The following HERC1 variants were observed in gnomAD, a reference collection of about 807,000 sequenced individuals.
HERC1 encodes the protein probable E3 ubiquitin-protein ligase HERC1.
A neutral mutation model predicts 554.3 loss-of-function variants in HERC1; 160 were observed. That is an observed-to-expected ratio of 0.29 (90% CI 0.25 to 0.33). The LOEUF (loss-of-function observed/expected upper bound fraction) is 0.33. HERC1 is among the 10% of genes least tolerant of loss of function. The pLI, the probability that HERC1 is intolerant of heterozygous loss-of-function variation, is 1.00. For missense variants in HERC1, 4,919 were observed against 5,918.5 expected (o/e 0.83, Z 5.54); for synonymous variants, 2,175 against 2,131.7 (o/e 1.02, Z -0.56).
chr15:63,728,525 G>T (rs2074130718), intron 16 of HERC1, among the ~76,000 whole-genome samples: 1 of 152,062 alleles, frequency 6.6e-6, no homozygotes, highest in African/African-American at 2.4e-5. Context: ...TTTTCAGTGG[G>T]GGAACTTCAG....
intron 1 of HERC1, among the ~76,000 whole-genome samples, chr15:63,794,315 T>G (rs1421746886): frequency 6.6e-6 from 1 of 152,206 alleles, no homozygotes; most frequent in Non-Finnish European, 1.5e-5. Flanking sequence ...AACCCTCTCC[T>G]GGGGTCTGGA....
At chr15:63,660,131 C>T (rs1566982771) in intron 46 of HERC1, among the ~76,000 whole-genome samples, 195 bp from the exon 47 acceptor site, 2 of 152,046 alleles carry the variant, frequency 1.3e-5, no homozygotes, top group South Asian at 4.2e-4. Flanking sequence ...CCAGCCTGGC[C>T]AACATGATGA....
chr15:63,685,530 G>A (rs1456295342), intron 34 of HERC1, among the ~76,000 whole-genome samples: 1 of 152,218 alleles, frequency 6.6e-6, no homozygotes, highest in Non-Finnish European at 1.5e-5. Flanking sequence ...CATTTTAAAA[G>A]TTAAGACAAA....
intron 39 of HERC1, among the ~76,000 whole-genome samples, chr15:63,671,854 C>G (rs1402195265): frequency 6.6e-6 from 1 of 152,222 alleles, no homozygotes; most frequent in Admixed American, 6.5e-5. Flanking sequence ...TCCCTTATTT[C>G]ACTTAAGTCA....
Position 63,637,588 on chromosome 15 carries a change from G to A in HERC1, c.12149C>T (p.Ala4050Val). 6.4e-7 allele frequency: 1 copy of A among 1,555,366 alleles called. No homozygotes were observed. The highest frequency in any genetic ancestry group is 8.7e-7 in the Non-Finnish European group (1 of 1,148,324). ...TCTGCCATAACTTCCTTCCCCACAA[G>A]CCAACACTGTGCCATTGGCCTGGAT... ...FVIQANGTVL[A>V]CGEGSYGRLG... The change falls in exon 64 of 78, where the codon GCT (alanine) becomes GTT (valine). Residue 4050 changes from alanine (A) to valine (V), a missense_variant. This residue lies in a region of HERC1 where 122 missense variants were observed against 195.2 expected (regional missense o/e 0.63). Coordinates refer to ENST00000443617, the MANE Select transcript of HERC1 (RefSeq NM_003922.4).
intron 33 of HERC1, among the ~76,000 whole-genome samples, chr15:63,686,799 T>G (rs2071788115): frequency 6.6e-6 from 1 of 152,184 alleles, no homozygotes; most frequent in South Asian, 2.1e-4. Flanking sequence ...ATAGGTATAG[T>G]AGAAACATAA....
intron 25 of HERC1, among the ~76,000 whole-genome samples, chr15:63,702,947 T>G (rs1429482805): frequency 6.6e-6 from 1 of 151,822 alleles, no homozygotes; most frequent in East Asian, 1.9e-4. Context: ...CTACTAAAAA[T>G]ACAAAAATTA....
In HERC1 at chr15:63,694,202, G is replaced by A. The variant is rs1243212021; in HGVS notation, c.5481-45C>T. ...AAAATAAGTGGCAAACACACAGAAG[G>A]GCAAGCATAGTGCTTAAATACATAA... On this transcript the variant is annotated intron_variant, in intron 29 of 77. Transcript: ENST00000443617. The surrounding 1 kb of genome is among the most constrained non-coding windows in gnomAD (Gnocchi z 4.3). 13 of 1,565,080 alleles carry A rather than the reference G, an allele frequency of 8.3e-6. No homozygotes were observed. The highest frequency in any genetic ancestry group is 1.0e-5 in the Non-Finnish European group (12 of 1,154,776).
At chr15:63,641,272 T>A (rs945470949) in intron 60 of HERC1, among the ~76,000 whole-genome samples, 198 bp downstream of exon 60, 1 of 152,232 alleles carries the variant, frequency 6.6e-6, no homozygotes, top group Non-Finnish European at 1.5e-5. Flanking sequence ...TATTTTACTC[T>A]GGTGAAAATA....
At chr15:63,661,580 T>A (rs536660767) in intron 45 of HERC1, among the ~76,000 whole-genome samples, 173 bp downstream of exon 45, 1 of 152,344 alleles carries the variant, frequency 6.6e-6, no homozygotes, top group Non-Finnish European at 1.5e-5. Context: ...ATGCCATTAT[T>A]CCTGGGAACA....
At position 63,623,983 on chromosome 15, in the gene HERC1, G is replaced by C. The variant is rs935278088; in HGVS notation, c.13446-93C>G. On this transcript the variant is annotated intron_variant, in intron 72 of 77. Transcript: ENST00000443617. ...TTCCCATCAGTGAATGAAAAAGCTA[G>C]TTTAACAGGCAAGCACTGTGCTAGG... 2.1e-6 allele frequency: 3 copies of C among 1,427,300 alleles called. No individual in the cohort carries two copies. In the African/African-American group the frequency reaches 4.2e-5, roughly 20 times the overall value. 88.4% of individuals were successfully genotyped at this position (1,427,300 alleles called of 1,614,324 possible). A position where few individuals can be genotyped will look rare whatever the true frequency, so the allele number is the denominator to read the frequency against.
chr15:63,632,062 T>C (rs1284697752), intron 68 of HERC1, among the ~76,000 whole-genome samples: 1 of 152,204 alleles, frequency 6.6e-6, no homozygotes, highest in Non-Finnish European at 1.5e-5. Flanking sequence ...AGTGGACATT[T>C]CCACACATTT....
At chr15:63,625,394 G>A (rs945115065) in intron 71 of HERC1, among the ~76,000 whole-genome samples, 2 of 152,054 alleles carry the variant, frequency 1.3e-5, no homozygotes, top group African/African-American at 4.8e-5. Context: ...GAAGTGGCTG[G>A]CAGACTTTGT....
Position 63,727,927 on chromosome 15 carries a change from C to G in HERC1, c.3155-89G>C. 1 of 975,032 alleles carries G rather than the reference C, an allele frequency of 1.0e-6. No homozygotes were observed. Among genetic ancestry groups the G allele is most frequent in the Admixed American group, 2.5e-5 (1 of 40,444 alleles). The allele number at this position is 975,032 out of a possible 1,614,324, so 60.4% of individuals were successfully genotyped here. ...TAATAAATATTATTTTAGCTTGGAA[C>G]TAGAGTAGACTCATTCAACAACTCT... On this transcript the variant is annotated intron_variant, in intron 16 of 77. Coordinates refer to ENST00000443617, the MANE Select transcript of HERC1 (RefSeq NM_003922.4). This position sits in a 1 kb window ranked among gnomAD's most constrained non-coding sequence, Gnocchi z 4.3.
intron 12 of HERC1, among the ~76,000 whole-genome samples, chr15:63,740,718 T>C (rs2074761369): frequency 6.6e-6 from 1 of 152,228 alleles, no homozygotes; most frequent in South Asian, 2.1e-4. Flanking sequence ...ATTTTTTCTC[T>C]TCTCTAGAGA....
intron 12 of HERC1, among the ~76,000 whole-genome samples, chr15:63,744,986 G>T (rs1329017195): frequency 2.0e-5 from 3 of 152,120 alleles, no homozygotes; most frequent in African/African-American, 7.2e-5. Flanking sequence ...TGCCAGTACT[G>T]AGTCCTTTTC....
chr15:63,609,554 C>T (rs760921271), intron 77 of HERC1, among the ~76,000 whole-genome samples: 18 of 152,342 alleles, frequency 1.2e-4, no homozygotes, highest in African/African-American at 2.2e-4. Context: ...GAATACACTA[C>T]GCACAGCGCC....
Position 63,775,624 on chromosome 15 carries a change from G to T in HERC1, c.-1C>A. 6.3e-7 allele frequency: 1 copy of T among 1,587,380 alleles called. No homozygotes were observed. Among genetic ancestry groups the T allele is most frequent in the Non-Finnish European group, 8.6e-7 (1 of 1,168,318 alleles). On this transcript the variant is annotated 5_prime_UTR_variant, in exon 2 of 78. Coordinates refer to ENST00000443617, the MANE Select transcript of HERC1 (RefSeq NM_003922.4). This position sits in a 1 kb window ranked among gnomAD's most constrained non-coding sequence, Gnocchi z 4.0. ...TCACTGGTGGAATCATAGTTGCCATGTTGATTTATCCTTCAGCCATTAGTC... is the reference window on the plus strand; with the variant it reads ...TCACTGGTGGAATCATAGTTGCCATTTTGATTTATCCTTCAGCCATTAGTC...
intron 59 of HERC1, 112 bp downstream of exon 59, chr15:63,642,845 G>C: frequency 1.5e-6 from 1 of 687,894 alleles, no homozygotes; most frequent in Non-Finnish European, 2.6e-6. Context: ...TGGACAAGTA[G>C]TAATCCCTCT....
Sources: allele counts gnomAD v4.1 joint callset (sites outside exome capture counted in the v4.1 genomes callset), GRCh38; gene constraint gnomAD v4.1.1; regional missense constraint gnomAD v4.1.1; non-coding constraint Gnocchi (gnomAD v3.1); transcripts MANE v1.5; gene names NCBI Gene and HGNC (gene_info 2026-07-23, HGNC 2026-07-21).